The following CFAP92 variants were observed in gnomAD, a reference collection of about 807,000 sequenced individuals.
CFAP92 encodes the protein uncharacterized protein CFAP92.
Under a neutral mutation model 106.3 loss-of-function variants are expected in CFAP92, and 86 were observed. That is an observed-to-expected ratio of 0.81 (90% CI 0.68 to 0.97). CFAP92 has a LOEUF of 0.97. Ranked by LOEUF, CFAP92 falls within the 50% of genes least tolerant of loss-of-function variation. CFAP92 has a pLI of 0.00. For missense variants in CFAP92, 1,204 were observed against 1,283.8 expected (o/e 0.94, Z 0.95); for synonymous variants, 477 against 506.4 (o/e 0.94, Z 0.78).
chr3:129,003,641 A>G (rs1327369114), upstream of CFAP92, among the ~76,000 whole-genome samples: 1 of 152,146 alleles, frequency 6.6e-6, no homozygotes, highest in African/African-American at 2.4e-5. Flanking sequence ...GACGCACCGG[A>G]CCTAAGGGCC....
chr3:129,024,453 C>T, the CFAP92 span, among the ~76,000 whole-genome samples: 1 of 151,948 alleles, frequency 6.6e-6, no homozygotes, highest in South Asian at 2.1e-4. Flanking sequence ...ATCACTTGAA[C>T]CTGAGAGGCA....
chr3:129,000,824 AC>A (rs1944692407), intron 1 of CFAP92, among the ~76,000 whole-genome samples: 1 of 152,000 alleles, frequency 6.6e-6, no homozygotes. Flanking sequence ...TCCTATCCCC[AC>A]CCCCAACAGG....
At position 128,988,730 on chromosome 3, in the gene CFAP92, T is replaced by C. The variant is rs1244479394; in HGVS notation, c.451A>G (p.Lys151Glu). The C allele has an allele frequency of 1.9e-6, 3 of 1,613,562 alleles. No homozygotes were observed. The highest frequency in any genetic ancestry group is 4.5e-5 in the East Asian group (2 of 44,728). ...VAKVFLESGV[K>E]TVKPWHEGDK... ...GCCACACACACTCACACACGCACCT[T>C]TACTCCTGACTCCAGGAATACTTTG... The change falls in exon 3 of 16, where the codon AAG becomes GAG. Residue 151 changes from lysine to glutamate, a missense_variant and splice_region_variant. Lys to Glu is a moderately conservative substitution (Grantham distance 56). Coordinates refer to ENST00000645291, the MANE Select transcript of CFAP92 (RefSeq NM_001394090.1).
At chr3:129,002,283 G>A (rs1459067629) in intron 1 of CFAP92, 22 of 1,528,822 alleles carry the variant, frequency 1.4e-5, no homozygotes, top group Non-Finnish European at 1.9e-5. Flanking sequence ...GGACCTGCGC[G>A]CCGCGCTGCA....
chr3:128,992,624 G>C (rs796995318), intron 2 of CFAP92, among the ~76,000 whole-genome samples: 5 of 152,062 alleles, frequency 3.3e-5, no homozygotes, highest in African/African-American at 1.2e-4. Context: ...GCCCAGGCTG[G>C]AGTGCAATGG....
chr3:128,993,431 T>C, intron 1 of CFAP92, 95 bp from the exon 2 acceptor site: 1 of 1,304,684 alleles, frequency 7.7e-7, no homozygotes, highest in Non-Finnish European at 1.0e-6. Flanking sequence ...ACCCTTCTCT[T>C]CCCTGCTTCC....
At chr3:128,967,968 A>C (rs1942506000) in intron 8 of CFAP92, 2 of 152,334 alleles carry the variant, frequency 1.3e-5, no homozygotes, top group Admixed American at 6.5e-5. Context: ...AAATGCCTCC[A>C]CACACAGCCA....
chr3:128,925,258 A>C (rs1370002080), intron 12 of CFAP92, among the ~76,000 whole-genome samples: 9 of 152,218 alleles, frequency 5.9e-5, no homozygotes, highest in Admixed American at 5.9e-4. Context: ...GAGTCTCATA[A>C]GGAACATGCA....
At chr3:128,925,514 G>GA (rs1266493719) in intron 12 of CFAP92, among the ~76,000 whole-genome samples, 1 of 151,650 alleles carries the variant, frequency 6.6e-6, no homozygotes, top group Non-Finnish European at 1.5e-5. Flanking sequence ...ATGAAAAGGA[G>GA]AAAAAAAGAC....
At chr3:128,987,437 C>T (rs1943927964) in intron 4 of CFAP92, among the ~76,000 whole-genome samples, 179 bp downstream of exon 4, 1 of 152,150 alleles carries the variant, frequency 6.6e-6, no homozygotes, top group South Asian at 2.1e-4. Flanking sequence ...CACCCTCACT[C>T]CCCTATGTGG....
At chr3:128,913,159 A>G (rs1021113273) in intron 15 of CFAP92, 1 of 417,832 alleles carries the variant, frequency 2.4e-6, no homozygotes, top group Admixed American at 2.5e-5. Flanking sequence ...CCAGCCTTTA[A>G]TGGGTGACAG....
At chr3:129,013,755 C>T in the CFAP92 span, among the ~76,000 whole-genome samples, 2 of 152,224 alleles carry the variant, frequency 1.3e-5, no homozygotes, top group African/African-American at 4.8e-5. Flanking sequence ...TAAAACATTC[C>T]CGCCATTGGC....
At chr3:128,929,727 A>G (rs558449425) in intron 12 of CFAP92, among the ~76,000 whole-genome samples, 2 of 152,356 alleles carry the variant, frequency 1.3e-5, no homozygotes, top group East Asian at 1.9e-4. Context: ...AGTCAAATCT[A>G]TCAAGACAGA....
intron 4 of CFAP92, among the ~76,000 whole-genome samples, chr3:128,985,906 A>G (rs1033956198): frequency 1.3e-5 from 2 of 152,188 alleles, no homozygotes; most frequent in African/African-American, 2.4e-5. Flanking sequence ...GATTGTCACA[A>G]CTGGCAGGCT....
At chr3:128,935,367 G>T in intron 10 of CFAP92, 48 bp from the exon 11 acceptor site, 1 of 1,327,006 alleles carries the variant, frequency 7.5e-7, no homozygotes, top group Non-Finnish European at 1.0e-6. Context: ...CAGCTTCCTG[G>T]GACACCGTGG....
intron 9 of CFAP92, among the ~76,000 whole-genome samples, chr3:128,957,996 C>T (rs1388265189): frequency 6.6e-6 from 1 of 152,170 alleles, no homozygotes; most frequent in East Asian, 1.9e-4. Flanking sequence ...TGGCATGTGG[C>T]AGCATCCACT....
intron 11 of CFAP92, 96 bp downstream of exon 11, chr3:128,935,029 T>G: frequency 1.1e-6 from 1 of 950,154 alleles, no homozygotes; most frequent in Non-Finnish European, 1.5e-6. Flanking sequence ...CACTATCTAG[T>G]TGTTGGATGC....
chr3:129,002,241 G>A (rs1013149652), intron 1 of CFAP92: 86 of 1,530,308 alleles, frequency 5.6e-5, no homozygotes, highest in Middle Eastern at 1.9e-4. Context: ...GCGGCTGGAG[G>A]AGGAGAATAG....
At chr3:129,001,076 C>T (rs1035066509) in intron 1 of CFAP92, among the ~76,000 whole-genome samples, 1 of 152,242 alleles carries the variant, frequency 6.6e-6, no homozygotes, top group Non-Finnish European at 1.5e-5. Flanking sequence ...AGCAGGCTTG[C>T]CAGGCAACCC....
Sources: allele counts gnomAD v4.1 joint callset (sites outside exome capture counted in the v4.1 genomes callset), GRCh38; gene constraint gnomAD v4.1.1; transcripts MANE v1.5; gene names NCBI Gene and HGNC (gene_info 2026-07-23, HGNC 2026-07-21).